CDC42BPA: variants seen among roughly 807,000 people sequenced by gnomAD.
The protein encoded by CDC42BPA is serine/threonine-protein kinase MRCK alpha.
Under a neutral mutation model 223.5 loss-of-function variants are expected in CDC42BPA, and 80 were observed. The ratio of observed to expected loss-of-function variants is 0.36; its 90% CI spans 0.30 to 0.43. CDC42BPA has a LOEUF of 0.43. Among genes scored for constraint, CDC42BPA ranks in the 20% least tolerant of loss-of-function variants. The probability of loss-of-function intolerance (pLI) is 1.00; values close to 1 mark genes in which losing one functional copy is unlikely to be tolerated. For synonymous variants in CDC42BPA, 694 were observed against 718.6 expected, an observed-to-expected ratio of 0.97 and a Z score of 0.55; for missense variants, 1,743 against 2,099.9, an observed-to-expected ratio of 0.83 and a Z score of 3.32.
chr1:227,269,937 T>C (rs1035527585), intron 1 of CDC42BPA, among the ~76,000 whole-genome samples: 1 of 152,196 alleles, frequency 6.6e-6, no homozygotes, highest in African/African-American at 2.4e-5. Context: ...ATTTTAAATG[T>C]ACATTCCTTT....
intron 2 of CDC42BPA, among the ~76,000 whole-genome samples, chr1:227,239,741 T>A (rs893548152): frequency 6.6e-6 from 1 of 152,138 alleles, no homozygotes; most frequent in African/African-American, 2.4e-5. Flanking sequence ...CAAACTATTA[T>A]AGTAACAGAA....
intron 2 of CDC42BPA, among the ~76,000 whole-genome samples, chr1:227,216,037 G>C (rs1359027253): frequency 1.3e-5 from 2 of 151,908 alleles, no homozygotes; most frequent in Non-Finnish European, 2.9e-5. Flanking sequence ...AAATTACTGA[G>C]GAATGTTAAT....
intron 5 of CDC42BPA, among the ~76,000 whole-genome samples, chr1:227,170,539 T>G (rs562678977): frequency 2.9e-4 from 44 of 152,288 alleles, no homozygotes; most frequent in African/African-American, 9.4e-4. Context: ...AGAGATGTAT[T>G]ATCTTCTCCC....
At chr1:227,077,516 A>G (rs765550490) in intron 17 of CDC42BPA, among the ~76,000 whole-genome samples, 16 of 152,148 alleles carry the variant, frequency 1.1e-4, no homozygotes, top group South Asian at 2.1e-4. Context: ...GAGCTGTTTC[A>G]TCTAGCTTTT....
chr1:227,168,497 G>GTTTTTTTTT lies in CDC42BPA; in HGVS notation c.600-7870_600-7862dup, dbSNP rs1292387936. ...CTTTTTCATATTTATCTTCCCTGGT[G>GTTTTTTTTT]TTTTTTTTTTTTTTTTGAGGCAGAG... On this transcript the variant is annotated intron_variant, in intron 5 of 36. Coordinates refer to ENST00000366766, the MANE Select transcript of CDC42BPA (RefSeq NM_001394014.1). Among the ~76,000 whole-genome samples the GTTTTTTTTT allele has an allele frequency of 1.3e-3, 103 of 80,178 alleles. 10 individuals carry two copies. Among genetic ancestry groups the GTTTTTTTTT allele is most frequent in the African/African-American group, 4.1e-3 (82 of 20,180 alleles). The allele number at this position is 80,178 out of a possible 152,430, so 52.6% of individuals were successfully genotyped here. A position where few individuals can be genotyped will look rare whatever the true frequency, so the allele number is the denominator to read the frequency against.
At chr1:227,275,222 A>G (rs11810328) in intron 1 of CDC42BPA, among the ~76,000 whole-genome samples, 1 of 150,766 alleles carries the variant, frequency 6.6e-6, no homozygotes, top group Non-Finnish European at 1.5e-5. Flanking sequence ...AACAATTCAC[A>G]GGTCAAAAAT....
intron 7 of CDC42BPA, among the ~76,000 whole-genome samples, chr1:227,146,688 T>A (rs1660765611): frequency 6.6e-6 from 1 of 152,144 alleles, no homozygotes; most frequent in Non-Finnish European, 1.5e-5. Flanking sequence ...TCTTGTTGTG[T>A]GTCTGTGTTG....
intron 1 of CDC42BPA, among the ~76,000 whole-genome samples, chr1:227,305,096 T>C (rs1402897982): frequency 1.3e-5 from 2 of 152,192 alleles, no homozygotes; most frequent in African/African-American, 4.8e-5. Context: ...TTCATTTTAA[T>C]AGTTGTATTG....
chr1:226,995,237 A>G (rs1313238858), intron 35 of CDC42BPA, among the ~76,000 whole-genome samples: 3 of 152,122 alleles, frequency 2.0e-5, no homozygotes, highest in Admixed American at 1.3e-4. Flanking sequence ...ATCTGCCCCA[A>G]TGCCCTGCTT....
At chr1:227,061,098 C>T (rs1042038247) in intron 21 of CDC42BPA, among the ~76,000 whole-genome samples, 5 of 152,022 alleles carry the variant, frequency 3.3e-5, no homozygotes, top group Non-Finnish European at 7.4e-5. Context: ...AATAGTAAAC[C>T]AGGATTAGAA....
At chr1:227,191,712 A>G (rs1334499841) in intron 5 of CDC42BPA, among the ~76,000 whole-genome samples, 1 of 152,192 alleles carries the variant, frequency 6.6e-6, no homozygotes, top group Non-Finnish European at 1.5e-5. Context: ...ATTTTCTGTA[A>G]GTATTTTTAA....
chr1:227,039,497 C>G (rs2148747767), intron 24 of CDC42BPA, among the ~76,000 whole-genome samples: 1 of 152,234 alleles, frequency 6.6e-6, no homozygotes, highest in East Asian at 1.9e-4. Flanking sequence ...ACCATTTTCA[C>G]TTCAGAGGTC....
intron 26 of CDC42BPA, among the ~76,000 whole-genome samples, chr1:227,033,938 G>T (rs1325895070): frequency 6.6e-6 from 1 of 152,114 alleles, no homozygotes; most frequent in Non-Finnish European, 1.5e-5. Flanking sequence ...TCCCTTAGTA[G>T]GTTCTATCAG....
At chr1:227,312,122 T>A (rs1053438902) in intron 1 of CDC42BPA, among the ~76,000 whole-genome samples, 1 of 152,234 alleles carries the variant, frequency 6.6e-6, no homozygotes, top group African/African-American at 2.4e-5. Context: ...CCTTCTATAT[T>A]TGATGTACTT....
At chr1:227,074,199 GT>G (rs1167816608) in intron 18 of CDC42BPA, 59 bp downstream of exon 18, 4 of 1,415,912 alleles carry the variant, frequency 2.8e-6, no homozygotes, top group Admixed American at 3.8e-5. Flanking sequence ...TTATTATAGT[GT>G]TTTTTAAATC....
intron 2 of CDC42BPA, among the ~76,000 whole-genome samples, chr1:227,248,282 G>C (rs749364379): frequency 1.3e-5 from 2 of 152,010 alleles, no homozygotes; most frequent in African/African-American, 2.4e-5. Context: ...AGAATGAAAG[G>C]TGTCCAAATT....
intron 3 of CDC42BPA, among the ~76,000 whole-genome samples, chr1:227,212,392 C>T (rs1225604649): frequency 1.3e-5 from 2 of 152,124 alleles, no homozygotes; most frequent in East Asian, 3.9e-4. Flanking sequence ...AGGGCTATTA[C>T]TCAGCCTGCT....
chr1:227,100,777 T>TGTGCGC (rs777124731), intron 15 of CDC42BPA, among the ~76,000 whole-genome samples: 58 of 128,604 alleles, frequency 4.5e-4, no homozygotes, highest in Non-Finnish European at 8.1e-4. Flanking sequence ...TGTGTGTGTG[T>TGTGCGC]GCGTGTGCCA....
chr1:227,132,885 C>T (rs2149537708), intron 10 of CDC42BPA, among the ~76,000 whole-genome samples: 1 of 150,860 alleles, frequency 6.6e-6, no homozygotes. Context: ...TGAGGAGACC[C>T]TCTGCCTGGC....
Sources: allele counts gnomAD v4.1 joint callset (sites outside exome capture counted in the v4.1 genomes callset), GRCh38; gene constraint gnomAD v4.1.1; transcripts MANE v1.5; gene names NCBI Gene and HGNC (gene_info 2026-07-23, HGNC 2026-07-21).